Variants in PLCB4 observed in about 807,000 individuals in gnomAD.
The protein encoded by PLCB4 is 1-phosphatidylinositol 4,5-bisphosphate phosphodiesterase beta-4.
PLCB4 carries 77 observed loss-of-function variants against 178.8 expected under a neutral mutation model. The observed-to-expected ratio is 0.43, with a 90% CI of 0.36 to 0.52. The LOEUF (loss-of-function observed/expected upper bound fraction) is 0.52, where lower values mean the gene tolerates loss of function less well. Among genes scored for constraint, PLCB4 ranks in the 20% least tolerant of loss-of-function variants. The pLI, the probability that PLCB4 is intolerant of heterozygous loss-of-function variation, is 0.00. For synonymous variants in PLCB4, 496 were observed against 490.8 expected (o/e 1.01, Z -0.14); for missense variants, 1,024 against 1,453.4 (o/e 0.70, Z 4.80).
chr20:9,407,061 T>C (rs914425923), intron 21 of PLCB4, among the ~76,000 whole-genome samples: 13 of 152,232 alleles, frequency 8.5e-5, no homozygotes, highest in Non-Finnish European at 1.5e-4. Context: ...AAGTGCTTTT[T>C]AAATACTATA....
intron 2 of PLCB4, among the ~76,000 whole-genome samples, chr20:9,204,286 T>G (rs2093589097): frequency 6.6e-6 from 1 of 152,190 alleles, no homozygotes; most frequent in Non-Finnish European, 1.5e-5. Flanking sequence ...TATTTATCAT[T>G]GGAACTGTAG....
intron 2 of PLCB4, among the ~76,000 whole-genome samples, chr20:9,138,032 A>C (rs2146853244): frequency 6.6e-6 from 1 of 152,260 alleles, no homozygotes; most frequent in African/African-American, 2.4e-5. Flanking sequence ...GAGGATTTAT[A>C]AGTAAGTCTG....
chr20:9,391,197 TC>T (rs1369602515), intron 17 of PLCB4, among the ~76,000 whole-genome samples: 1 of 152,214 alleles, frequency 6.6e-6, no homozygotes. Flanking sequence ...GCTAATTTCT[TC>T]ATAAAGCAAA....
At chr20:9,335,596 A>G (rs1263760683) in intron 4 of PLCB4, among the ~76,000 whole-genome samples, 1 of 152,162 alleles carries the variant, frequency 6.6e-6, no homozygotes, top group African/African-American at 2.4e-5. Flanking sequence ...TTACTTGCTG[A>G]ATTGGAATTC....
At chr20:9,287,140 A>G (rs2094542801) in intron 3 of PLCB4, among the ~76,000 whole-genome samples, 1 of 152,062 alleles carries the variant, frequency 6.6e-6, no homozygotes, top group African/African-American at 2.4e-5. Context: ...TTGCCAAATA[A>G]CAGGTGTCTG....
chr20:9,361,938 G>T (rs369434515), intron 7 of PLCB4, among the ~76,000 whole-genome samples: 1 of 152,234 alleles, frequency 6.6e-6, no homozygotes, highest in South Asian at 2.1e-4. Flanking sequence ...ATAGCCATAT[G>T]TGTCTAGTGG....
At chr20:9,359,188 A>G (rs1247311591) in intron 7 of PLCB4, among the ~76,000 whole-genome samples, 5 of 152,098 alleles carry the variant, frequency 3.3e-5, no homozygotes, top group Non-Finnish European at 7.4e-5. Flanking sequence ...TGGGAAAGGG[A>G]TTATTTTTGT....
At chr20:9,281,806 G>A (rs949608566) in intron 3 of PLCB4, among the ~76,000 whole-genome samples, 1 of 151,818 alleles carries the variant, frequency 6.6e-6, no homozygotes, top group African/African-American at 2.4e-5. Flanking sequence ...AATTGGCATT[G>A]AAGAATTAAA....
At position 9,114,291 on chromosome 20, in the gene PLCB4, T is replaced by C. The variant is rs565769792; in HGVS notation, c.-79+17949T>C. Among the ~76,000 whole-genome samples, 3 of 152,198 alleles carry C rather than the reference T, an allele frequency of 2.0e-5. No homozygotes were observed. In the East Asian group the frequency reaches 5.8e-4, roughly 29 times the overall value. The stretch of plus-strand genomic sequence containing the variant: ...ATTTGGGATTGACATAGGACTGTGC[T>C]TAATAAGGTGTTCAGAGGGGTGGTG... On this transcript the variant is annotated intron_variant, in intron 2 of 39. Transcript: ENST00000378473.
At chr20:9,257,749 T>C (rs1302333091) in intron 3 of PLCB4, among the ~76,000 whole-genome samples, 2 of 152,166 alleles carry the variant, frequency 1.3e-5, no homozygotes, top group South Asian at 2.1e-4. Context: ...ATCAACAGTA[T>C]TGGGAAAAGT....
At chr20:9,398,647 C>G (rs149911382) in intron 19 of PLCB4, among the ~76,000 whole-genome samples, 3 of 152,108 alleles carry the variant, frequency 2.0e-5, no homozygotes, top group Non-Finnish European at 4.4e-5. Context: ...AGGCAGCTTA[C>G]ATTATGGCCT....
intron 32 of PLCB4, among the ~76,000 whole-genome samples, chr20:9,450,762 C>T (rs1229261448): frequency 6.7e-6 from 1 of 150,090 alleles, no homozygotes; most frequent in Non-Finnish European, 1.5e-5. Flanking sequence ...AATTCTCGTC[C>T]CTCAGCCTCC....
chr20:9,387,660 T>C (rs6118590), intron 15 of PLCB4, 104 bp downstream of exon 15: 2 of 567,784 alleles, frequency 3.5e-6, no homozygotes, highest in Non-Finnish European at 6.2e-6. Context: ...TCAAGCATTA[T>C]GCCTTCATAT....
rs2094464529 is a variant in PLCB4 at position 9,278,013 on chromosome 20, G to A, written c.-15-29787G>A. Among the ~76,000 whole-genome samples the A allele has an allele frequency of 1.3e-5, 2 of 151,980 alleles. 1 individual carries two copies. Among genetic ancestry groups the A allele is most frequent in the South Asian group, 4.1e-4 (2 of 4,824 alleles). ...CTTAGAAGGTAACTTTATGCTATTT[G>A]TATTCAATTAAATCTCACAAGCCAC... On this transcript the variant is annotated intron_variant, in intron 3 of 39. Transcript: ENST00000378473.
intron 38 of PLCB4, among the ~76,000 whole-genome samples, chr20:9,475,083 G>A (rs1568921504): frequency 6.6e-6 from 1 of 152,242 alleles, no homozygotes; most frequent in Admixed American, 6.5e-5. Flanking sequence ...GTAGGGATAA[G>A]GATGCCTTGG....
At chr20:9,106,124 A>G (rs984249362) in intron 2 of PLCB4, among the ~76,000 whole-genome samples, 1 of 152,094 alleles carries the variant, frequency 6.6e-6, no homozygotes, top group Admixed American at 6.6e-5. Flanking sequence ...TATCAGCAAG[A>G]TGAACATTTA....
chr20:9,372,497 TG>T, intron 11 of PLCB4, 94 bp downstream of exon 11: 2 of 611,996 alleles, frequency 3.3e-6, no homozygotes, highest in Non-Finnish European at 5.8e-6. Flanking sequence ...TAGAGTATGT[TG>T]GTAGCATCTA....
intron 28 of PLCB4, 129 bp from the exon 29 acceptor site, chr20:9,435,431 G>T: frequency 1.7e-6 from 1 of 579,460 alleles, no homozygotes. Flanking sequence ...TGTGTCTTAT[G>T]TCCTAGGAAA....
intron 17 of PLCB4, among the ~76,000 whole-genome samples, chr20:9,391,131 C>A (rs2038104808): frequency 6.6e-6 from 1 of 152,144 alleles, no homozygotes; most frequent in East Asian, 1.9e-4. Context: ...TTCCTAACTC[C>A]AAAATAAATC....
Sources: allele counts gnomAD v4.1 joint callset (sites outside exome capture counted in the v4.1 genomes callset), GRCh38; gene constraint gnomAD v4.1.1; transcripts MANE v1.5; gene names NCBI Gene and HGNC (gene_info 2026-07-23, HGNC 2026-07-21).